Variants in RBFOX1 observed in about 807,000 individuals in gnomAD.
RBFOX1 encodes RNA binding fox-1 homolog 1.
In RBFOX1, 8 loss-of-function variants were observed where a neutral mutation model predicts 57.7. The ratio of observed to expected loss-of-function variants is 0.14; its 90% CI spans 0.08 to 0.25. The LOEUF (loss-of-function observed/expected upper bound fraction) is 0.25. Among genes scored for constraint, RBFOX1 ranks in the 10% least tolerant of loss-of-function variants. The probability of loss-of-function intolerance (pLI) is 1.00; values close to 1 mark genes in which losing one functional copy is unlikely to be tolerated. For missense variants in RBFOX1, 611 were observed against 548.5 expected (o/e 1.11, Z -1.14); for synonymous variants, 326 against 222.4 (o/e 1.47, Z -4.15).
chr16:6,677,126 G>A (rs1358400165), intron 3 of RBFOX1, among the ~76,000 whole-genome samples: 2 of 152,162 alleles, frequency 1.3e-5, no homozygotes, highest in Non-Finnish European at 2.9e-5. Flanking sequence ...AAAGTAGATA[G>A]ATACTTTTTT....
chr16:6,629,973 T>TTTA (rs201032968), intron 2 of RBFOX1, among the ~76,000 whole-genome samples: 28,164 of 129,888 alleles, frequency 0.22, 3,673 homozygotes, highest in South Asian at 0.34. Context: ...TTTTTTTTTT[T>TTTA]AAAAAAAAAA....
chr16:5,576,361 G>T (rs925274927), intron 2 of RBFOX1, among the ~76,000 whole-genome samples: 1 of 152,032 alleles, frequency 6.6e-6, no homozygotes, highest in African/African-American at 2.4e-5. Flanking sequence ...TTCTCCTTCA[G>T]TCCCTCCCTA....
chr16:5,927,386 A>C (rs2058959956), intron 4 of RBFOX1, among the ~76,000 whole-genome samples: 1 of 152,240 alleles, frequency 6.6e-6, no homozygotes, highest in South Asian at 2.1e-4. Flanking sequence ...AATGGCTTTT[A>C]ACACTCTATG....
intron 4 of RBFOX1, among the ~76,000 whole-genome samples, chr16:7,191,124 C>T (rs568376248): frequency 1.1e-3 from 167 of 152,230 alleles, no homozygotes; most frequent in African/African-American, 3.9e-3. Context: ...GAAAATCCAT[C>T]TTAATTCTTC....
intron 1 of RBFOX1, among the ~76,000 whole-genome samples, chr16:6,135,785 CTTT>C (rs35563303): frequency 1.2e-5 from 1 of 85,026 alleles, no homozygotes; most frequent in Non-Finnish European, 2.2e-5. Flanking sequence ...CTCGTTTCGA[CTTT>C]TTTTTTTTTT....
chr16:7,433,023 C>G (rs1314164986), intron 4 of RBFOX1, among the ~76,000 whole-genome samples: 1 of 152,178 alleles, frequency 6.6e-6, no homozygotes, highest in East Asian at 1.9e-4. Context: ...TAGCCCCCAG[C>G]AAATGCCACG....
chr16:7,542,200 G>C lies in RBFOX1; in HGVS notation c.270+23811G>C, dbSNP rs183150011. 3.9e-5 allele frequency among the ~76,000 whole-genome samples: 6 copies of C among 152,294 alleles called. No homozygotes were observed. The East Asian group carries it at 1.2e-3, about 29-fold the overall frequency. On this transcript the variant is annotated intron_variant, in intron 5 of 15. Transcript: ENST00000550418. The stretch of plus-strand genomic sequence containing the variant: ...AACCCTATGGGCTACCTGGGCCAGA[G>C]AGATATACACAGAGAAGACTGGTCA...
At chr16:5,525,677 T>A (rs1176109799) in intron 2 of RBFOX1, among the ~76,000 whole-genome samples, 1 of 151,852 alleles carries the variant, frequency 6.6e-6, no homozygotes, top group Non-Finnish European at 1.5e-5. Flanking sequence ...TTTGTATTTT[T>A]AGTACAGACA....
At chr16:7,029,350 C>T (rs1354673229) in intron 3 of RBFOX1, among the ~76,000 whole-genome samples, 3 of 148,926 alleles carry the variant, frequency 2.0e-5, no homozygotes, top group Non-Finnish European at 3.0e-5. Flanking sequence ...GATTGGAAAG[C>T]TCTTTGGCCC....
chr16:6,183,538 T>C (rs931648031), intron 1 of RBFOX1, among the ~76,000 whole-genome samples: 18 of 141,966 alleles, frequency 1.3e-4, no homozygotes, highest in Non-Finnish European at 4.7e-5. Flanking sequence ...GTAAGGAGAA[T>C]AGGATATGTT....
chr16:6,446,026 G>A (rs144993747), intron 2 of RBFOX1, among the ~76,000 whole-genome samples: 71 of 152,044 alleles, frequency 4.7e-4, no homozygotes, highest in East Asian at 4.3e-3. Flanking sequence ...GCGCACTGGC[G>A]TGATTATAGC....
At chr16:6,740,587 T>C (rs1307843543) in intron 3 of RBFOX1, among the ~76,000 whole-genome samples, 2 of 152,184 alleles carry the variant, frequency 1.3e-5, no homozygotes, top group Non-Finnish European at 2.9e-5. Context: ...TTTCTAAATT[T>C]CTTACAGTAA....
chr16:5,568,122 A>G (rs573462346), intron 2 of RBFOX1, among the ~76,000 whole-genome samples: 92 of 152,288 alleles, frequency 6.0e-4, no homozygotes, highest in African/African-American at 2.1e-3. Flanking sequence ...CTGCTAAACA[A>G]TGAGATCTGA....
intron 10 of RBFOX1, chr16:7,614,828 T>C (rs1246445010): frequency 2.0e-5 from 3 of 152,272 alleles, no homozygotes; most frequent in African/African-American, 7.2e-5. Flanking sequence ...ATTATTTTCA[T>C]GATCAAATTA....
At chr16:7,376,730 G>A (rs1211621998) in intron 4 of RBFOX1, among the ~76,000 whole-genome samples, 3 of 152,118 alleles carry the variant, frequency 2.0e-5, no homozygotes, top group Non-Finnish European at 4.4e-5. Flanking sequence ...ATTAATCCAG[G>A]TTTTAGACTC....
chr16:5,614,816 C>A (rs1463188224), intron 3 of RBFOX1, among the ~76,000 whole-genome samples: 2 of 152,118 alleles, frequency 1.3e-5, no homozygotes, highest in African/African-American at 4.8e-5. Context: ...ACATTCATTC[C>A]TGGCCAAGAT....
intron 1 of RBFOX1, among the ~76,000 whole-genome samples, chr16:6,129,959 G>A (rs2096618324): frequency 1.3e-5 from 2 of 151,910 alleles, no homozygotes; most frequent in Admixed American, 1.3e-4. Context: ...TTAAAAATTA[G>A]GTGAAATAAA....
chr16:5,462,692 G>A (rs1279415775), intron 1 of RBFOX1, among the ~76,000 whole-genome samples: 2 of 152,124 alleles, frequency 1.3e-5, no homozygotes, highest in African/African-American at 4.8e-5. Context: ...GGAATTCTAC[G>A]CACCTGTTAG....
chr16:7,519,928 C>T (rs761523415), intron 5 of RBFOX1, among the ~76,000 whole-genome samples: 23 of 152,240 alleles, frequency 1.5e-4, no homozygotes, highest in South Asian at 1.2e-3. Flanking sequence ...CTCTGTTGCC[C>T]AGGCTGGAGT....
Sources: gnomAD v4.1 joint callset for allele counts (sites outside exome capture counted in the v4.1 genomes callset) on GRCh38, gnomAD v4.1.1 for gene constraint, MANE v1.5 for transcripts, NCBI Gene and HGNC (gene_info 2026-07-23, HGNC 2026-07-21) for gene names.